Variants in GSE1 observed in about 807,000 individuals in gnomAD.
GSE1 encodes the protein genetic suppressor element 1.
In GSE1, 32 loss-of-function variants were observed where a neutral mutation model predicts 112.6. That is an observed-to-expected ratio of 0.28 (90% CI 0.21 to 0.38). GSE1 has a LOEUF of 0.38. Ranked by LOEUF, GSE1 falls within the 10% of genes least tolerant of loss-of-function variation. GSE1 has a pLI of 1.00. For missense variants in GSE1, 2,348 were observed against 1,699.2 expected, an observed-to-expected ratio of 1.38 and a Z score of -6.71; for synonymous variants, 1,115 against 735.6, an observed-to-expected ratio of 1.52 and a Z score of -8.35.
chr16:85,171,442 T>C (rs2074357504), exon 1 of GSE1: 1 of 985,358 alleles, frequency 1.0e-6, no homozygotes, highest in Admixed American at 6.1e-5. Context: ...GCCTGTGGAC[T>C]CCACCGGCCT....
At chr16:85,549,451 T>G (rs1486539587) in intron 2 of GSE1, among the ~76,000 whole-genome samples, 2 of 152,188 alleles carry the variant, frequency 1.3e-5, no homozygotes, top group Non-Finnish European at 2.9e-5. Flanking sequence ...GTGTTGGGAT[T>G]ATGGGTATAA....
chr16:85,380,425 A>G (rs1469302332), intron 2 of GSE1, among the ~76,000 whole-genome samples: 1 of 152,128 alleles, frequency 6.6e-6, no homozygotes, highest in Non-Finnish European at 1.5e-5. Context: ...GGCCAACCCC[A>G]CTGTTCAGCA....
At chr16:85,330,394 C>T (rs2046313101) in intron 1 of GSE1, among the ~76,000 whole-genome samples, 1 of 152,196 alleles carries the variant, frequency 6.6e-6, no homozygotes, top group Non-Finnish European at 1.5e-5. Context: ...TAACAGTCTC[C>T]CCTGGAGCCA....
chr16:85,661,564 G>A lies in GSE1; in HGVS notation c.2059G>A (p.Gly687Ser), dbSNP rs1243056527. 5 of 1,611,100 alleles carry A rather than the reference G, an allele frequency of 3.1e-6. No individual in the cohort carries two copies. The highest frequency in any genetic ancestry group is 4.2e-6 in the Non-Finnish European group (5 of 1,179,368). ...CGAGAAGTCCACCCAGACCATCCTG[G>A]GCCAGCAGCGGGCCTCCCTCCCACA... The part of the protein sequence containing the change: ...ELEKSTQTIL[G>S]QQRASLPQAA... The change falls in exon 9 of 16, where the codon GGC becomes AGC. Residue 687 changes from glycine to serine, a missense_variant. Coordinates refer to ENST00000253458, the MANE Select transcript of GSE1 (RefSeq NM_014615.5).
At position 85,653,744 on chromosome 16, in the gene GSE1, G is replaced by A. The variant is rs545008544; in HGVS notation, c.427-534G>A. On this transcript the variant is annotated intron_variant, in intron 3 of 15. Transcript: ENST00000253458. ...GGCAGACCAGCACCTTCGGCCCAGG[G>A]GCAGTGCCAGCTTCCTTTGCCCCTG... 3.9e-5 allele frequency among the ~76,000 whole-genome samples: 6 copies of A among 152,228 alleles called. No individual in the cohort carries two copies. The East Asian group carries it at 9.7e-4, about 25-fold the overall frequency.
chr16:85,381,955 G>C (rs558497173), intron 2 of GSE1, among the ~76,000 whole-genome samples: 8 of 152,352 alleles, frequency 5.3e-5, no homozygotes, highest in African/African-American at 1.9e-4. Context: ...GAGTGCCTGA[G>C]GAAGTCTGGT....
chr16:85,435,807 G>C (rs1451276905), intron 2 of GSE1, among the ~76,000 whole-genome samples: 12 of 152,172 alleles, frequency 7.9e-5, no homozygotes, highest in African/African-American at 2.4e-4. Flanking sequence ...CCTGGGCTGA[G>C]GGTTGACCAG....
chr16:85,527,600 G>A (rs914446541), intron 2 of GSE1, among the ~76,000 whole-genome samples: 4 of 152,280 alleles, frequency 2.6e-5, no homozygotes, highest in East Asian at 3.8e-4. Context: ...GGCTTGCAGC[G>A]GTGAATGGGT....
intron 1 of GSE1, among the ~76,000 whole-genome samples, chr16:85,312,206 G>GT (rs1555559859): frequency 7.1e-6 from 1 of 141,396 alleles, no homozygotes; most frequent in Non-Finnish European, 1.6e-5. Flanking sequence ...TCCTCTTGCG[G>GT]GGGGGGGGGG....
At chr16:85,601,413 G>A (rs867025558) in intron 1 of GSE1, among the ~76,000 whole-genome samples, 5 of 152,038 alleles carry the variant, frequency 3.3e-5, no homozygotes, top group Admixed American at 6.5e-5. Context: ...CCAGGCTGGT[G>A]GGGAGGAGGC....
chr16:85,535,170 TG>T (rs1288879237), intron 2 of GSE1, among the ~76,000 whole-genome samples: 2 of 152,132 alleles, frequency 1.3e-5, no homozygotes, highest in Non-Finnish European at 2.9e-5. Context: ...CACACCAGCC[TG>T]GGGGAGGCAT....
At chr16:85,560,275 A>G (rs151109836) in intron 1 of GSE1, among the ~76,000 whole-genome samples, 2 of 151,956 alleles carry the variant, frequency 1.3e-5, no homozygotes, top group Non-Finnish European at 2.9e-5. Context: ...AGCTGGGACT[A>G]CGGGAGTGCG....
intron 1 of GSE1, among the ~76,000 whole-genome samples, chr16:85,340,447 C>G (rs2046600424): frequency 6.6e-6 from 1 of 152,160 alleles, no homozygotes; most frequent in African/African-American, 2.4e-5. Flanking sequence ...CGAAACCAGC[C>G]TGGCCAACAT....
At chr16:85,385,445 G>A (rs915642257) in intron 2 of GSE1, among the ~76,000 whole-genome samples, 1 of 152,176 alleles carries the variant, frequency 6.6e-6, no homozygotes. Flanking sequence ...CACAGAGACC[G>A]GGCTGGGTGG....
intron 1 of GSE1, among the ~76,000 whole-genome samples, chr16:85,235,847 C>T (rs761499328): frequency 3.8e-4 from 58 of 151,954 alleles, no homozygotes; most frequent in Non-Finnish European, 6.8e-4. Flanking sequence ...GGCGCCGGGG[C>T]AGCTGTTCGC....
rs75048190 is a variant in GSE1 at position 85,505,220 on chromosome 16, G to C, written c.2465-128694G>C. ...CCCAAGAGCAGGGTGATAGGGTGAT[G>C]AGCTGCATCTGCTGATGTTCATGTC... On this transcript the variant is annotated intron_variant, in intron 2 of 2. Coordinates refer to the GSE1 transcript ENST00000637419. Among the ~76,000 whole-genome samples, 702 of 152,296 alleles carry C rather than the reference G, an allele frequency of 4.6e-3. 3 individuals are homozygous for C. Among genetic ancestry groups the C allele is most frequent in the African/African-American group, 0.016 (685 of 41,566 alleles).
At chr16:85,434,874 C>G (rs59883912) in intron 2 of GSE1, among the ~76,000 whole-genome samples, 10,502 of 152,222 alleles carry the variant, frequency 0.069, 485 homozygotes, top group East Asian at 0.26. Flanking sequence ...CTGGGCTTGC[C>G]CATCTTGGTC....
In GSE1 at chr16:85,409,010, C is replaced by G. The variant is rs555421374; in HGVS notation, c.2464+51367C>G. Among the ~76,000 whole-genome samples, 7 of 4,484 alleles carry G rather than the reference C, an allele frequency of 1.6e-3. 1 individual carries two copies. Among genetic ancestry groups the G allele is most frequent in the African/African-American group, 1.7e-3 (5 of 2,908 alleles). 2.9% of individuals were successfully genotyped at this position (4,484 alleles called of 152,430 possible). On this transcript the variant is annotated intron_variant, in intron 2 of 2. Coordinates refer to the GSE1 transcript ENST00000637419. ...GATAATCCTCACTGTTACACTCAGG[C>G]CCCCCGGATAATCCTCACCGTTACA...
intron 1 of GSE1, among the ~76,000 whole-genome samples, chr16:85,276,826 A>C (rs559383542): frequency 1.3e-5 from 2 of 152,312 alleles, no homozygotes; most frequent in South Asian, 4.1e-4. Context: ...CCCCTGACTC[A>C]GGAGCTTCCC....
Sources: gnomAD v4.1 joint callset for allele counts (sites outside exome capture counted in the v4.1 genomes callset) on GRCh38, gnomAD v4.1.1 for gene constraint, MANE v1.5 for transcripts, NCBI Gene and HGNC (gene_info 2026-07-23, HGNC 2026-07-21) for gene names.